TDRD7: variants seen among roughly 807,000 people sequenced by gnomAD.
TDRD7 encodes the protein tudor domain containing 7.
A neutral mutation model predicts 109.8 loss-of-function variants in TDRD7; 47 were observed. The ratio of observed to expected loss-of-function variants is 0.43; its 90% CI spans 0.34 to 0.55. The LOEUF is 0.55. Among genes scored for constraint, TDRD7 ranks in the 20% least tolerant of loss-of-function variants. The probability of loss-of-function intolerance (pLI) is 0.03; values close to 1 mark genes in which losing one functional copy is unlikely to be tolerated. For synonymous variants in TDRD7, 424 were observed against 457.3 expected (o/e 0.93, Z 0.93); for missense variants, 1,164 against 1,319.2 (o/e 0.88, Z 1.82).
At chr9:97,469,340 G>A (rs1303663766) in intron 8 of TDRD7, among the ~76,000 whole-genome samples, 1 of 152,214 alleles carries the variant, frequency 6.6e-6, no homozygotes, top group South Asian at 2.1e-4. Context: ...CTAAGTCAGT[G>A]TTGAGTCAGA....
At chr9:97,470,175 A>G (rs552355551) in intron 8 of TDRD7, among the ~76,000 whole-genome samples, 84 of 152,344 alleles carry the variant, frequency 5.5e-4, no homozygotes, top group African/African-American at 1.8e-3. Flanking sequence ...TGTGTAACTC[A>G]AAAAAGAATA....
intron 14 of TDRD7, 61 bp from the exon 15 acceptor site, chr9:97,482,788 C>A: frequency 6.4e-7 from 1 of 1,567,926 alleles, no homozygotes; most frequent in Non-Finnish European, 8.8e-7. Flanking sequence ...GTTACTATAA[C>A]TGCCTCTCAA....
At chr9:97,450,271 T>G (rs1481784569) in intron 6 of TDRD7, among the ~76,000 whole-genome samples, 1 of 152,100 alleles carries the variant, frequency 6.6e-6, no homozygotes, top group Non-Finnish European at 1.5e-5. Context: ...AAGAGAAAAT[T>G]ACAGAGCCAC....
intron 6 of TDRD7, among the ~76,000 whole-genome samples, chr9:97,442,506 T>C (rs1005611072): frequency 7.2e-5 from 11 of 152,218 alleles, no homozygotes; most frequent in Non-Finnish European, 7.3e-5. Flanking sequence ...TTAAAGATCT[T>C]AGTTCAGCCA....
chr9:97,418,867 G>A (rs2118214028), intron 1 of TDRD7, among the ~76,000 whole-genome samples: 1 of 152,308 alleles, frequency 6.6e-6, no homozygotes, highest in African/African-American at 2.4e-5. Flanking sequence ...ATGTAGCTGA[G>A]AAAAGTAGAC....
chr9:97,455,362 G>A lies in TDRD7; in HGVS notation c.856-4816G>A, dbSNP rs374757647. ...CATCCTGATACCAAAACTGGGAAGAGATGCACAACAACAAAAAAACTTCAG... is the reference window on the plus strand; with the variant it reads ...CATCCTGATACCAAAACTGGGAAGAAATGCACAACAACAAAAAAACTTCAG... On this transcript the variant is annotated intron_variant, in intron 6 of 16. Transcript: ENST00000355295. Among the ~76,000 whole-genome samples the A allele has an allele frequency of 4.6e-5, 7 of 152,116 alleles. No individual in the cohort carries two copies. In the South Asian group the frequency reaches 1.5e-3, roughly 32 times the overall value.
chr9:97,466,112 A>G (rs180985693), intron 8 of TDRD7, among the ~76,000 whole-genome samples: 149 of 152,356 alleles, frequency 9.8e-4, no homozygotes, highest in Admixed American at 9.7e-3. Flanking sequence ...TGCCACTATC[A>G]GCCGCCAGCC....
chr9:97,492,098 C>G (rs1204413144), intron 16 of TDRD7, among the ~76,000 whole-genome samples: 1 of 152,230 alleles, frequency 6.6e-6, no homozygotes, highest in African/African-American at 2.4e-5. Flanking sequence ...CTGTCTGTCT[C>G]TCTGGTTTTG....
rs374749142 is a variant in TDRD7, at chr9:97,481,877, G to C, written c.2412+939G>C. Among the ~76,000 whole-genome samples the C allele has an allele frequency of 6.6e-5, 10 of 152,118 alleles. No homozygotes were observed. The East Asian group carries it at 7.7e-4, about 12-fold the overall frequency. ...ACTTCAGAGGATGAATGTAATAGAG[G>C]CATCTTGTTGGGAAAAAAAAGAAAT... On this transcript the variant is annotated intron_variant, in intron 14 of 16. Coordinates refer to ENST00000355295, the MANE Select transcript of TDRD7 (RefSeq NM_014290.3).
At chr9:97,416,814 A>G (rs1347011908) in intron 1 of TDRD7, among the ~76,000 whole-genome samples, 4 of 152,010 alleles carry the variant, frequency 2.6e-5, no homozygotes, top group Non-Finnish European at 5.9e-5. Context: ...TTTCTTATTC[A>G]TTCAACAAAT....
chr9:97,432,258 CA>C lies in TDRD7; in HGVS notation c.563+21del. The C allele has an allele frequency of 1.2e-6, 2 of 1,607,882 alleles. No individual in the cohort carries two copies. The highest frequency in any genetic ancestry group is 2.7e-5 in the African/African-American group (2 of 74,900). ...CAACAGGTATTTGGCCTCTGACTCA[CA>C]GAAGTTTGGTGAATCTAGGGTAAAA... On this transcript the variant is annotated intron_variant, in intron 4 of 16. Coordinates refer to ENST00000355295, the MANE Select transcript of TDRD7 (RefSeq NM_014290.3).
intron 9 of TDRD7, among the ~76,000 whole-genome samples, 175 bp downstream of exon 9, chr9:97,470,844 T>C (rs1828898190): frequency 6.6e-6 from 1 of 152,232 alleles, no homozygotes; most frequent in African/African-American, 2.4e-5. Flanking sequence ...AAAAATGTTA[T>C]GTTTTTATAT....
intron 1 of TDRD7, among the ~76,000 whole-genome samples, chr9:97,413,939 C>G (rs1827768161): frequency 6.6e-6 from 1 of 152,220 alleles, no homozygotes; most frequent in Non-Finnish European, 1.5e-5. Flanking sequence ...CAGAACCCCT[C>G]TTTTAAGTTC....
chr9:97,481,028 CT>C, intron 14 of TDRD7, 90 bp downstream of exon 14: 1 of 1,080,838 alleles, frequency 9.3e-7, no homozygotes, highest in South Asian at 1.3e-5. Flanking sequence ...TTTTATCTCA[CT>C]GTAAAATGGA....
intron 1 of TDRD7, among the ~76,000 whole-genome samples, chr9:97,421,698 TTGTGTGTGTGTGTGTG>T (rs59218055): frequency 0.2 from 28,192 of 142,912 alleles, 2,768 homozygotes; most frequent in Middle Eastern, 0.25. Context: ...TGCCCAGCTT[TTGTGTGTGTGTGTGTG>T]TGTGTGTGTG....
intron 11 of TDRD7, 100 bp from the exon 12 acceptor site, chr9:97,475,283 G>A (rs112193449): frequency 1.2e-5 from 11 of 897,972 alleles, no homozygotes; most frequent in Non-Finnish European, 1.7e-5. Flanking sequence ...ACTACATGTC[G>A]GTTAAGTCTG....
intron 13 of TDRD7, among the ~76,000 whole-genome samples, chr9:97,478,799 A>G (rs1463097721): frequency 1.3e-5 from 2 of 152,230 alleles, no homozygotes; most frequent in Admixed American, 1.3e-4. Flanking sequence ...TTTCAAGAGC[A>G]TCCAGTCATT....
At chr9:97,464,766 A>G (rs1427814262) in intron 7 of TDRD7, 76 bp from the exon 8 acceptor site, 1 of 1,539,556 alleles carries the variant, frequency 6.5e-7, no homozygotes. Context: ...GGAAAAAAGA[A>G]GGACAAAAAC....
intron 8 of TDRD7, among the ~76,000 whole-genome samples, chr9:97,465,768 G>A (rs1828813034): frequency 1.3e-5 from 2 of 151,984 alleles, no homozygotes; most frequent in Admixed American, 1.3e-4. Context: ...TGTCTATTTG[G>A]AATTTATCCT....
Sources: allele counts gnomAD v4.1 joint callset (sites outside exome capture counted in the v4.1 genomes callset), GRCh38; gene constraint gnomAD v4.1.1; transcripts MANE v1.5; gene names NCBI Gene and HGNC (gene_info 2026-07-23, HGNC 2026-07-21).